Variants in PCSK5 observed in about 807,000 individuals in gnomAD.
PCSK5 encodes the protein proprotein convertase subtilisin/kexin type 5, also known as prohormone convertase 5.
In PCSK5, 129 loss-of-function variants were observed where a neutral mutation model predicts 233.2. That is an observed-to-expected ratio of 0.55 (90% confidence interval 0.48 to 0.64). The LOEUF (loss-of-function observed/expected upper bound fraction) is 0.64. Among genes scored for constraint, PCSK5 ranks in the 30% least tolerant of loss-of-function variants. The pLI is 0.00. For synonymous variants in PCSK5, 825 were observed against 879.2 expected (o/e 0.94, Z 1.09); for missense variants, 2,076 against 2,430.1 (o/e 0.85, Z 3.06).
At chr9:76,183,308 A>ATC (rs1220604554) in intron 16 of PCSK5, among the ~76,000 whole-genome samples, 1 of 152,126 alleles carries the variant, frequency 6.6e-6, no homozygotes, top group African/African-American at 2.4e-5. Context: ...TGGTTTGTAT[A>ATC]TCTCTCTCTT....
Position 75,921,422 on chromosome 9 carries a change from T to C in PCSK5, c.193-10957T>C, listed in dbSNP as rs540741401. ...CAGTAATTCTAGCAATGTTTTCACC[T>C]ATAAAAATATGTACTATTTTCTGTT... On this transcript the variant is annotated intron_variant, in intron 1 of 37. Coordinates refer to ENST00000674117, the MANE Select transcript of PCSK5 (RefSeq NM_001372043.1). Among the ~76,000 whole-genome samples, 123 of 152,342 alleles carry C rather than the reference T, an allele frequency of 8.1e-4. 1 individual carries two copies. The highest frequency in any genetic ancestry group is 1.5e-3 in the Non-Finnish European group (101 of 68,036).
At chr9:75,897,644 C>T (rs1825868915) in intron 1 of PCSK5, among the ~76,000 whole-genome samples, 2 of 152,014 alleles carry the variant, frequency 1.3e-5, no homozygotes, top group Non-Finnish European at 2.9e-5. Flanking sequence ...CAGGCAAGCA[C>T]CACCACACCT....
chr9:76,057,927 C>G (rs979212645), intron 5 of PCSK5, among the ~76,000 whole-genome samples: 1 of 149,468 alleles, frequency 6.7e-6, no homozygotes, highest in Non-Finnish European at 1.5e-5. Flanking sequence ...TCCATGAACT[C>G]CTGGGCTCAA....
intron 9 of PCSK5, among the ~76,000 whole-genome samples, chr9:76,120,404 C>T (rs1371481157): frequency 1.3e-5 from 2 of 152,028 alleles, no homozygotes; most frequent in Non-Finnish European, 1.5e-5. Flanking sequence ...CAATTTATAA[C>T]AATTGTGTAA....
At chr9:76,011,578 T>A (rs1207054042) in intron 3 of PCSK5, among the ~76,000 whole-genome samples, 1 of 152,226 alleles carries the variant, frequency 6.6e-6, no homozygotes, top group African/African-American at 2.4e-5. Context: ...GATTTATTTT[T>A]CTGTGGCTAT....
At chr9:76,014,747 T>C (rs149715373) in intron 3 of PCSK5, among the ~76,000 whole-genome samples, 545 of 152,294 alleles carry the variant, frequency 3.6e-3, no homozygotes, top group Non-Finnish European at 5.6e-3. Context: ...CCCATATGAA[T>C]GTCTTCTCTT....
intron 20 of PCSK5, among the ~76,000 whole-genome samples, chr9:76,196,407 A>G (rs1022203556): frequency 1.3e-5 from 2 of 152,370 alleles, no homozygotes; most frequent in African/African-American, 4.8e-5. Flanking sequence ...GTCTAAAATA[A>G]ATCTCCGGTA....
At chr9:76,067,379 A>G (rs1185177169) in intron 5 of PCSK5, among the ~76,000 whole-genome samples, 1 of 152,218 alleles carries the variant, frequency 6.6e-6, no homozygotes, top group Non-Finnish European at 1.5e-5. Flanking sequence ...GTATAAAACA[A>G]TGATTAATAA....
chr9:76,012,160 C>T (rs1026235948), intron 3 of PCSK5, among the ~76,000 whole-genome samples: 2 of 152,186 alleles, frequency 1.3e-5, no homozygotes, highest in African/African-American at 4.8e-5. Context: ...CATGTTTCGA[C>T]AGTTTACAGA....
Position 76,143,890 on chromosome 9 carries a change from C to T in PCSK5, c.1312+9678C>T, listed in dbSNP as rs187987775. 2.8e-3 allele frequency among the ~76,000 whole-genome samples: 424 copies of T among 152,124 alleles called. 3 individuals carry two copies. Among genetic ancestry groups the T allele is most frequent in the African/African-American group, 9.6e-3 (397 of 41,518 alleles). On this transcript the variant is annotated intron_variant, in intron 10 of 37. Coordinates refer to ENST00000674117, the MANE Select transcript of PCSK5 (RefSeq NM_001372043.1). Reference sequence around the variant, plus strand: ...TTCCTTTGTTTGACCAAAGTCTTTTCGTTGGTTGTTATTGCTCACCATGAC... The same window carrying T: ...TTCCTTTGTTTGACCAAAGTCTTTTTGTTGGTTGTTATTGCTCACCATGAC...
intron 25 of PCSK5, among the ~76,000 whole-genome samples, chr9:76,292,529 G>T (rs986155529): frequency 6.6e-6 from 1 of 152,152 alleles, no homozygotes; most frequent in Non-Finnish European, 1.5e-5. Flanking sequence ...CCTGCCATGG[G>T]TTACCAAGAT....
chr9:76,191,042 C>G (rs530417272), intron 20 of PCSK5, among the ~76,000 whole-genome samples: 2 of 151,974 alleles, frequency 1.3e-5, no homozygotes, highest in African/African-American at 4.8e-5. Context: ...ATTCCAACTC[C>G]AACATTTTGT....
At chr9:76,297,803 G>A (rs571673213) in intron 27 of PCSK5, among the ~76,000 whole-genome samples, 9 of 152,118 alleles carry the variant, frequency 5.9e-5, no homozygotes, top group East Asian at 3.9e-4. Context: ...CTAAGGGCTC[G>A]AGGGAGTGAC....
intron 5 of PCSK5, among the ~76,000 whole-genome samples, chr9:76,045,641 A>G (rs1487584637): frequency 6.6e-6 from 1 of 152,234 alleles, no homozygotes; most frequent in African/African-American, 2.4e-5. Flanking sequence ...AAGTCCAACA[A>G]TGTCTCTTGA....
chr9:76,127,452 G>A (rs538999771), intron 9 of PCSK5, among the ~76,000 whole-genome samples: 1 of 152,196 alleles, frequency 6.6e-6, no homozygotes, highest in East Asian at 1.9e-4. Flanking sequence ...ATCCTAGTGG[G>A]TCCAAAAATT....
At chr9:76,278,250 T>G (rs369055838) in intron 24 of PCSK5, among the ~76,000 whole-genome samples, 4 of 152,106 alleles carry the variant, frequency 2.6e-5, no homozygotes, top group South Asian at 4.1e-4. Context: ...GAAAAACAAT[T>G]CGTTTTAAAA....
rs145143100 is a variant in PCSK5 at position 76,054,742 on chromosome 9, G to A, written c.633-13213G>A. Among the ~76,000 whole-genome samples, 279 of 152,246 alleles carry A rather than the reference G, an allele frequency of 1.8e-3. 1 individual carries two copies. The Middle Eastern group carries it at 0.027, about 15-fold the overall frequency. The stretch of plus-strand genomic sequence containing the variant: ...GTTCTTTACTTAGTTTCCCACGATG[G>A]TAACAGTTTATGTAATTCTAGTATA... On this transcript the variant is annotated intron_variant, in intron 5 of 37. Transcript: ENST00000674117.
At chr9:75,942,187 C>T (rs1004362296) in intron 2 of PCSK5, among the ~76,000 whole-genome samples, 11 of 152,222 alleles carry the variant, frequency 7.2e-5, no homozygotes, top group African/African-American at 1.4e-4. Context: ...CCTCAGGCTG[C>T]GGAGCTGGCT....
intron 7 of PCSK5, among the ~76,000 whole-genome samples, chr9:76,086,947 A>T (rs899888908): frequency 7.9e-5 from 12 of 152,256 alleles, no homozygotes; most frequent in African/African-American, 2.9e-4. Flanking sequence ...TCATCAAAAT[A>T]GAATTCTTTG....
Sources: gnomAD v4.1 joint callset for allele counts (sites outside exome capture counted in the v4.1 genomes callset) on GRCh38, gnomAD v4.1.1 for gene constraint, MANE v1.5 for transcripts, NCBI Gene and HGNC (gene_info 2026-07-23, HGNC 2026-07-21) for gene names.